The following CCDC91 variants were observed in gnomAD, a reference collection of about 807,000 sequenced individuals.
The protein encoded by CCDC91 is coiled-coil domain containing 91, also known as coiled-coil domain-containing protein 91.
Under a neutral mutation model 63.2 loss-of-function variants are expected in CCDC91, and 48 were observed. That is an observed-to-expected ratio of 0.76 (90% CI 0.60 to 0.97). CCDC91 has a LOEUF of 0.97. Among genes scored for constraint, CCDC91 ranks in the 50% least tolerant of loss-of-function variants. CCDC91 has a pLI of 0.00. For missense variants in CCDC91, 500 were observed against 494.6 expected (o/e 1.01, Z -0.10); for synonymous variants, 167 against 165.8 (o/e 1.01, Z -0.06).
chr12:28,517,026 A>G (rs1212262375), intron 12 of CCDC91, among the ~76,000 whole-genome samples: 3 of 151,956 alleles, frequency 2.0e-5, no homozygotes, highest in Non-Finnish European at 2.9e-5. Flanking sequence ...TGTTGTGTCA[A>G]TACCCTATAC....
intron 6 of CCDC91, among the ~76,000 whole-genome samples, chr12:28,324,135 T>C (rs899520381): frequency 6.6e-6 from 1 of 151,626 alleles, no homozygotes; most frequent in Non-Finnish European, 1.5e-5. Flanking sequence ...GAAATACAAA[T>C]AAAGTTGGAG....
intron 8 of CCDC91, among the ~76,000 whole-genome samples, chr12:28,438,819 A>T (rs943227054): frequency 6.6e-6 from 1 of 152,164 alleles, no homozygotes; most frequent in Non-Finnish European, 1.5e-5. Flanking sequence ...ACCCCATCTT[A>T]AGTTGAGGAG....
At chr12:28,221,280 C>A (rs1166540990) in intron 1 of CCDC91, among the ~76,000 whole-genome samples, 3 of 152,030 alleles carry the variant, frequency 2.0e-5, no homozygotes, top group South Asian at 2.1e-4. Context: ...ATCATCATGA[C>A]CTTTTCTCTG....
chr12:28,368,533 T>C (rs1944415704), intron 7 of CCDC91, among the ~76,000 whole-genome samples: 1 of 152,198 alleles, frequency 6.6e-6, no homozygotes, highest in Non-Finnish European at 1.5e-5. Context: ...TTCTAGCCTT[T>C]ATTTAATGTG....
At chr12:28,359,789 C>CTTTTTTTTTTT (rs1565853581) in intron 6 of CCDC91, among the ~76,000 whole-genome samples, 2 of 150,398 alleles carry the variant, frequency 1.3e-5, no homozygotes, top group African/African-American at 5.0e-5. Context: ...TTTCTATTTA[C>CTTTTTTTTTTT]TTTTAAAATC....
chr12:28,341,429 T>C (rs1468338419), intron 6 of CCDC91, among the ~76,000 whole-genome samples: 1 of 152,158 alleles, frequency 6.6e-6, no homozygotes, highest in Non-Finnish European at 1.5e-5. Context: ...CTCTTCTGGC[T>C]CCCTGTTCCA....
intron 8 of CCDC91, among the ~76,000 whole-genome samples, chr12:28,391,928 A>T (rs1945973173): frequency 6.6e-6 from 1 of 152,204 alleles, no homozygotes. Context: ...AGCATAAATA[A>T]TGTATGTAAG....
At chr12:28,304,850 C>T (rs539285914) in intron 3 of CCDC91, 12 of 288,322 alleles carry the variant, frequency 4.2e-5, no homozygotes, top group Admixed American at 9.8e-5. Flanking sequence ...AATATATGTA[C>T]GACATGTTTA....
intron 7 of CCDC91, among the ~76,000 whole-genome samples, chr12:28,376,426 A>G (rs1219016366): frequency 5.9e-5 from 9 of 151,808 alleles, no homozygotes; most frequent in Admixed American, 2.0e-4. Flanking sequence ...GAAAAAAGTG[A>G]GTTTTAGCTG....
chr12:28,479,884 G>A (rs559972145), intron 11 of CCDC91, among the ~76,000 whole-genome samples: 2 of 152,132 alleles, frequency 1.3e-5, no homozygotes, highest in African/African-American at 4.8e-5. Context: ...CATATGGGGT[G>A]AGGCAAGGAT....
intron 7 of CCDC91, among the ~76,000 whole-genome samples, chr12:28,376,334 T>C (rs1944944145): frequency 6.6e-6 from 1 of 151,718 alleles, no homozygotes; most frequent in East Asian, 1.9e-4. Flanking sequence ...TTACTGAGAA[T>C]TTTTTTCCAT....
intron 12 of CCDC91, among the ~76,000 whole-genome samples, chr12:28,524,794 T>G (rs1472308892): frequency 1.3e-5 from 2 of 151,762 alleles, no homozygotes; most frequent in Non-Finnish European, 2.9e-5. Context: ...TGGTCTGTTC[T>G]AAGTATCTAA....
chr12:28,321,344 G>A (rs1411124149), intron 6 of CCDC91, among the ~76,000 whole-genome samples: 1 of 151,778 alleles, frequency 6.6e-6, no homozygotes, highest in Non-Finnish European at 1.5e-5. Flanking sequence ...TAAGTTCCTA[G>A]TGGGATAAAT....
intron 11 of CCDC91, among the ~76,000 whole-genome samples, chr12:28,469,084 TAG>T (rs1950682506): frequency 6.6e-6 from 1 of 152,008 alleles, no homozygotes; most frequent in South Asian, 2.1e-4. Flanking sequence ...AAGCCCTAGC[TAG>T]AGTAGTCAGA....
chr12:28,370,957 C>T (rs1233165743), intron 7 of CCDC91, among the ~76,000 whole-genome samples: 1 of 152,084 alleles, frequency 6.6e-6, no homozygotes, highest in African/African-American at 2.4e-5. Flanking sequence ...AGGCCCTTCC[C>T]CTGACATGTG....
chr12:28,315,095 A>G (rs1049788400), intron 6 of CCDC91, among the ~76,000 whole-genome samples: 1 of 151,876 alleles, frequency 6.6e-6, no homozygotes, highest in African/African-American at 2.4e-5. Context: ...CCAAACAGGT[A>G]GAATTATTTA....
intron 12 of CCDC91, among the ~76,000 whole-genome samples, chr12:28,542,682 T>C (rs1392778048): frequency 6.6e-6 from 1 of 152,110 alleles, no homozygotes; most frequent in Non-Finnish European, 1.5e-5. Context: ...TATATAAAAC[T>C]ATTATCCTGA....
chr12:28,487,633 C>G lies in CCDC91; in HGVS notation c.1215+3468C>G, dbSNP rs117491028. 3.5e-3 allele frequency among the ~76,000 whole-genome samples: 523 copies of G among 151,460 alleles called. 3 individuals carry two copies. The highest frequency in any genetic ancestry group is 6.4e-3 in the Non-Finnish European group (434 of 67,640). On this transcript the variant is annotated intron_variant, in intron 12 of 12. Transcript: ENST00000536442. ...AACACATTTCCAGAATAAAAATTTT[C>G]CTTTCCCTTCTCCAGGTTTTTTTTT...
At chr12:28,212,300 C>T (rs1943285960) in intron 1 of CCDC91, among the ~76,000 whole-genome samples, 1 of 152,178 alleles carries the variant, frequency 6.6e-6, no homozygotes, top group African/African-American at 2.4e-5. Context: ...AGAATCACAG[C>T]AGATTCAAAG....
Sources: gnomAD v4.1 joint callset for allele counts (sites outside exome capture counted in the v4.1 genomes callset) on GRCh38, gnomAD v4.1.1 for gene constraint, MANE v1.5 for transcripts, NCBI Gene and HGNC (gene_info 2026-07-23, HGNC 2026-07-21) for gene names.